Variants in MITF observed in about 807,000 individuals in gnomAD.
MITF encodes the protein melanocyte inducing transcription factor.
MITF carries 17 observed loss-of-function variants against 60.5 expected under a neutral mutation model. That is an observed-to-expected ratio of 0.28 (90% CI 0.19 to 0.42). MITF has a LOEUF of 0.42. Ranked by LOEUF, MITF falls within the 10% of genes least tolerant of loss-of-function variation. The probability of loss-of-function intolerance (pLI) is 1.00; values close to 1 mark genes in which losing one functional copy is unlikely to be tolerated. For synonymous variants in MITF, 260 were observed against 248.5 expected, an observed-to-expected ratio of 1.05 and a Z score of -0.43; for missense variants, 622 against 683.5, an observed-to-expected ratio of 0.91 and a Z score of 1.00.
At chr3:69,861,960 A>G (rs1266912381) in intron 1 of MITF, among the ~76,000 whole-genome samples, 1 of 152,068 alleles carries the variant, frequency 6.6e-6, no homozygotes, top group Non-Finnish European at 1.5e-5. Context: ...ATGTATGAGT[A>G]ACTTCTTTAT....
chr3:69,943,421 C>T (rs1055039827), intron 5 of MITF, among the ~76,000 whole-genome samples: 2 of 152,054 alleles, frequency 1.3e-5, no homozygotes, highest in Non-Finnish European at 2.9e-5. Context: ...CCCTACATTT[C>T]CCCATCTGTA....
In MITF at chr3:69,779,530, A is replaced by G. The variant is rs1242669428; in HGVS notation, c.104+39829A>G. 2.6e-5 allele frequency among the ~76,000 whole-genome samples: 4 copies of G among 152,218 alleles called. No individual in the cohort carries two copies. The East Asian group carries it at 5.8e-4, about 22-fold the overall frequency. On this transcript the variant is annotated intron_variant, in intron 1 of 9. Coordinates refer to ENST00000352241, the MANE Select transcript of MITF (RefSeq NM_001354604.2). ...CATGTAGTGTGCAAAGTACATTAGA[A>G]GTTTTCAGGATTTACTGTTTCTGAT...
At position 69,782,857 on chromosome 3, in the gene MITF, G is replaced by A. The variant is rs371662206; in HGVS notation, c.104+43156G>A. On this transcript the variant is annotated intron_variant, in intron 1 of 9. Coordinates refer to ENST00000352241, the MANE Select transcript of MITF (RefSeq NM_001354604.2). ...ATTGGAGTTACAAATGGCAAATGCT[G>A]AGGGGATTATGTTCTAGGTGAGTGT... Among the ~76,000 whole-genome samples the A allele has an allele frequency of 1.8e-4, 28 of 152,164 alleles. No individual in the cohort carries two copies. The East Asian group carries it at 2.3e-3, about 13-fold the overall frequency.
chr3:69,877,225 TTTA>T (rs1207281680), intron 1 of MITF, among the ~76,000 whole-genome samples: 1 of 152,218 alleles, frequency 6.6e-6, no homozygotes, highest in Non-Finnish European at 1.5e-5. Context: ...GGACAAATTT[TTTA>T]TTATTCATAT....
intron 1 of MITF, among the ~76,000 whole-genome samples, chr3:69,867,528 CT>C (rs1326825396): frequency 6.6e-6 from 1 of 151,914 alleles, no homozygotes; most frequent in Admixed American, 6.6e-5. Context: ...AGCTTAATTA[CT>C]CACCTCTATA....
At chr3:69,918,467 GACA>G (rs2065387820) in intron 2 of MITF, among the ~76,000 whole-genome samples, 1 of 152,086 alleles carries the variant, frequency 6.6e-6, no homozygotes, top group African/African-American at 2.4e-5. Flanking sequence ...TCCTTTTTGT[GACA>G]ACAATTTTGG....
intron 1 of MITF, among the ~76,000 whole-genome samples, chr3:69,756,063 C>G (rs1337389971): frequency 6.6e-6 from 1 of 152,044 alleles, no homozygotes. Flanking sequence ...CAGTTTGGTT[C>G]TCTATCGCTG....
chr3:69,895,100 A>T (rs1421101062), intron 2 of MITF, among the ~76,000 whole-genome samples: 1 of 152,220 alleles, frequency 6.6e-6, no homozygotes, highest in African/African-American at 2.4e-5. Context: ...TTCCTGGAGA[A>T]TCGCCCACCT....
At chr3:69,791,425 A>G (rs1405110920) in intron 1 of MITF, among the ~76,000 whole-genome samples, 2 of 152,210 alleles carry the variant, frequency 1.3e-5, no homozygotes, top group Non-Finnish European at 2.9e-5. Context: ...AGTTCATTTT[A>G]CTAGTACTGG....
chr3:69,904,895 A>G (rs983229036), intron 2 of MITF, among the ~76,000 whole-genome samples: 1 of 152,188 alleles, frequency 6.6e-6, no homozygotes, highest in African/African-American at 2.4e-5. Context: ...GAGATGATGC[A>G]TATTGTTGGA....
intron 1 of MITF, among the ~76,000 whole-genome samples, chr3:69,864,629 C>T (rs916262001): frequency 5.9e-5 from 9 of 152,116 alleles, no homozygotes; most frequent in Non-Finnish European, 2.9e-5. Flanking sequence ...GCTCATCGTT[C>T]CCCTGCTTGC....
chr3:69,922,568 G>T (rs2065492351), intron 2 of MITF, among the ~76,000 whole-genome samples: 1 of 152,038 alleles, frequency 6.6e-6, no homozygotes, highest in South Asian at 2.1e-4. Context: ...TAATATAGTG[G>T]GTTTTTAACA....
intron 1 of MITF, among the ~76,000 whole-genome samples, chr3:69,845,442 C>CTTTTTTTTTTTTTTTTTTTTTTTTTTT (rs751773040): frequency 1.5e-5 from 2 of 136,810 alleles, no homozygotes; most frequent in Non-Finnish European, 3.1e-5. Flanking sequence ...TTTTTTCTTT[C>CTTTTTTTTTTTTTTTTTTTTTTTTTTT]TTTTTTTTTT....
intron 1 of MITF, among the ~76,000 whole-genome samples, chr3:69,877,090 T>C (rs1042142809): frequency 1.3e-5 from 2 of 152,248 alleles, no homozygotes; most frequent in African/African-American, 4.8e-5. Context: ...TTTTGAATCC[T>C]ACTTTTAAAT....
Position 69,939,093 on chromosome 3 carries a change from T to C in MITF, c.583-5T>C. Reference sequence around the variant, plus strand: ...TATAGACTGTTTTTGCTTGTGTTTTTGCAGGGATTTTATAAGTTTGAAGAG... The same window carrying C: ...TATAGACTGTTTTTGCTTGTGTTTTCGCAGGGATTTTATAAGTTTGAAGAG... On this transcript the variant is annotated splice_region_variant and splice_polypyrimidine_tract_variant and intron_variant, in intron 3 of 9. Coordinates refer to ENST00000352241, the MANE Select transcript of MITF (RefSeq NM_001354604.2). The C allele has an allele frequency of 6.2e-7, 1 of 1,613,946 alleles. No individual in the cohort carries two copies.
rs1316847081 is a variant in MITF at position 69,941,342 on chromosome 3, C to T, written c.762+11C>T. On this transcript the variant is annotated intron_variant, in intron 5 of 9. Coordinates refer to ENST00000352241, the MANE Select transcript of MITF (RefSeq NM_001354604.2). ...CAAATGGCAAATACGGTATTGATAA[C>T]CTTTTTTTAAGTAGAAAATCTTGAG... 6.4e-7 allele frequency: 1 copy of T among 1,574,134 alleles called. No homozygotes were observed. Among genetic ancestry groups the T allele is most frequent in the Admixed American group, 1.7e-5 (1 of 59,830 alleles).
At chr3:69,938,676 A>C in intron 3 of MITF, 6 of 1,316,294 alleles carry the variant, frequency 4.6e-6, no homozygotes, top group Non-Finnish European at 5.8e-6. Flanking sequence ...CTTCAAGCTA[A>C]TTGGTGCATC....
intron 1 of MITF, among the ~76,000 whole-genome samples, chr3:69,783,001 C>T (rs2062590538): frequency 6.6e-6 from 1 of 152,118 alleles, no homozygotes; most frequent in African/African-American, 2.4e-5. Context: ...AAATTATTCT[C>T]ATCTAATTTT....
At chr3:69,810,777 TG>T (rs1211329406) in intron 1 of MITF, among the ~76,000 whole-genome samples, 3 of 152,202 alleles carry the variant, frequency 2.0e-5, no homozygotes. Context: ...GCAGTGTACA[TG>T]GGACTGGTGC....
Sources: allele counts gnomAD v4.1 joint callset (sites outside exome capture counted in the v4.1 genomes callset), GRCh38; gene constraint gnomAD v4.1.1; transcripts MANE v1.5; gene names NCBI Gene and HGNC (gene_info 2026-07-23, HGNC 2026-07-21).